The following RMC1 variants were observed in gnomAD, a reference collection of about 807,000 sequenced individuals.
RMC1 encodes the protein regulator of MON1-CCZ1 complex.
A neutral mutation model predicts 95.5 loss-of-function variants in RMC1; 44 were observed. The ratio of observed to expected loss-of-function variants is 0.46; its 90% CI spans 0.36 to 0.59. The LOEUF (loss-of-function observed/expected upper bound fraction) is 0.59. Among genes scored for constraint, RMC1 ranks in the 20% least tolerant of loss-of-function variants. RMC1 has a pLI of 0.00. For synonymous variants in RMC1, 320 were observed against 303.6 expected (o/e 1.05, Z -0.56); for missense variants, 705 against 819.6 (o/e 0.86, Z 1.71).
At chr18:23,503,760 CG>C in intron 1 of RMC1, 40 bp downstream of exon 1, 1 of 1,562,416 alleles carries the variant, frequency 6.4e-7, no homozygotes, top group Non-Finnish European at 8.7e-7. Flanking sequence ...GCGGCCCTGC[CG>C]GGGTCGTGGG....
intron 5 of RMC1, 80 bp from the exon 6 acceptor site, chr18:23,515,776 G>A (rs1043166834): frequency 6.4e-6 from 10 of 1,553,114 alleles, no homozygotes; most frequent in Middle Eastern, 1.7e-4. Context: ...CAGGTGATCC[G>A]CCCACCTTAG....
intron 2 of RMC1, among the ~76,000 whole-genome samples, chr18:23,505,828 T>G (rs1204648314): frequency 6.6e-6 from 1 of 152,014 alleles, no homozygotes; most frequent in Non-Finnish European, 1.5e-5. Flanking sequence ...GATTGGGGGC[T>G]CTAAGAAGTT....
chr18:23,522,280 T>C (rs997681429), intron 10 of RMC1: 4 of 152,222 alleles, frequency 2.6e-5, no homozygotes, highest in Non-Finnish European at 5.9e-5. Context: ...ATTGAAAGAA[T>C]AGATTTTGCC....
intron 13 of RMC1, among the ~76,000 whole-genome samples, chr18:23,527,126 A>G (rs2058321086): frequency 6.7e-6 from 1 of 150,132 alleles, no homozygotes; most frequent in East Asian, 2.0e-4. Flanking sequence ...GCTCATGCTT[A>G]TAATCCCAGC....
At chr18:23,517,106 T>G (rs373882314) in intron 7 of RMC1, among the ~76,000 whole-genome samples, 2 of 152,126 alleles carry the variant, frequency 1.3e-5, no homozygotes, top group African/African-American at 4.8e-5. Flanking sequence ...GTAACAGACA[T>G]GGAACTAAAT....
At chr18:23,507,434 C>T (rs1405470025) in intron 3 of RMC1, among the ~76,000 whole-genome samples, 2 of 152,116 alleles carry the variant, frequency 1.3e-5, no homozygotes, top group African/African-American at 4.8e-5. Context: ...TTTTGTATTG[C>T]TTGATAGCAG....
Position 23,504,491 on chromosome 18 carries a change from AATG to A in RMC1, c.179+48_179+50del, listed in dbSNP as rs771234666. 7.2e-6 allele frequency: 11 copies of A among 1,517,976 alleles called. No homozygotes were observed. The Admixed American group carries it at 1.9e-4, about 26-fold the overall frequency. 94.0% of individuals were successfully genotyped at this position (1,517,976 alleles called of 1,614,324 possible). A position where few individuals can be genotyped will look rare whatever the true frequency, so the allele number is the denominator to read the frequency against. On this transcript the variant is annotated intron_variant, in intron 2 of 19. Coordinates refer to ENST00000269221, the MANE Select transcript of RMC1 (RefSeq NM_013326.5). ...TCAGATCATTTTGTCATGTAAACAG[AATG>A]ATGTTTTTCTAATTCAAATGGTTTT...
intron 18 of RMC1, 24 bp from the exon 19 acceptor site, chr18:23,530,363 T>C: frequency 6.2e-7 from 1 of 1,614,056 alleles, no homozygotes; most frequent in Non-Finnish European, 8.5e-7. Flanking sequence ...TGCACTGACC[T>C]GGACTTCTCT....
At chr18:23,529,091 C>A (rs1438551680) in intron 14 of RMC1, 88 bp from the exon 15 acceptor site, 6 of 1,521,814 alleles carry the variant, frequency 3.9e-6, no homozygotes, top group South Asian at 1.3e-5. Context: ...GGGTCCACAT[C>A]GAAGAATTCA....
intron 19 of RMC1, among the ~76,000 whole-genome samples, chr18:23,530,894 A>C (rs1598922386): frequency 6.6e-6 from 1 of 152,206 alleles, no homozygotes; most frequent in Non-Finnish European, 1.5e-5. Context: ...ATCTTGGAAT[A>C]TCTCTTAAAG....
At chr18:23,525,616 G>C (rs2058275883) in intron 12 of RMC1, among the ~76,000 whole-genome samples, 1 of 152,050 alleles carries the variant, frequency 6.6e-6, no homozygotes, top group African/African-American at 2.4e-5. Flanking sequence ...GTAGATACGG[G>C]GTTTCACCAT....
At chr18:23,508,138 C>A in intron 4 of RMC1, 97 bp downstream of exon 4, 2 of 1,129,260 alleles carry the variant, frequency 1.8e-6, no homozygotes, top group Non-Finnish European at 2.4e-6. Context: ...GGAGCACAGA[C>A]TTGAAGTCAG....
chr18:23,509,304 GT>G, intron 5 of RMC1, 25 bp downstream of exon 5: 2 of 1,224,558 alleles, frequency 1.6e-6, no homozygotes, highest in Non-Finnish European at 1.1e-6. Flanking sequence ...ATTTATGTTT[GT>G]TGGTTAAAGT....
intron 5 of RMC1, among the ~76,000 whole-genome samples, chr18:23,512,112 C>G (rs904134564): frequency 1.7e-4 from 25 of 151,208 alleles, no homozygotes; most frequent in Admixed American, 1.6e-3. Context: ...CCTCCACCTC[C>G]TGGGTTCAAG....
intron 5 of RMC1, among the ~76,000 whole-genome samples, chr18:23,510,538 T>C (rs1331532597): frequency 6.6e-6 from 1 of 151,772 alleles, no homozygotes; most frequent in African/African-American, 2.4e-5. Context: ...TCCCAGCTAC[T>C]AGGGAGGCTG....
intron 1 of RMC1, among the ~76,000 whole-genome samples, chr18:23,504,030 G>C (rs1187058175): frequency 6.6e-6 from 1 of 152,226 alleles, no homozygotes; most frequent in Non-Finnish European, 1.5e-5. Context: ...AGTTACACTC[G>C]TAGTCAAGGG....
In RMC1 at chr18:23,531,754, G is replaced by T; in HGVS notation, c.*50G>T. Reference sequence around the variant, plus strand: ...AAAATGTGTACAAAGTTAATTTATTGCATTAATAAAGCTCTTTAAACTATA... The same window carrying T: ...AAAATGTGTACAAAGTTAATTTATTTCATTAATAAAGCTCTTTAAACTATA... On this transcript the variant is annotated 3_prime_UTR_variant, in exon 20 of 20. Transcript: ENST00000269221. 1 of 1,585,098 alleles carries T rather than the reference G, an allele frequency of 6.3e-7. No individual in the cohort carries two copies. Among genetic ancestry groups the T allele is most frequent in the Non-Finnish European group, 8.5e-7 (1 of 1,170,652 alleles).
At chr18:23,512,903 T>C (rs1379261779) in intron 5 of RMC1, among the ~76,000 whole-genome samples, 2 of 152,140 alleles carry the variant, frequency 1.3e-5, no homozygotes, top group African/African-American at 4.8e-5. Context: ...ACTCCCCTTA[T>C]CCCTTCCCTG....
chr18:23,529,781 TAGA>T lies in RMC1; in HGVS notation c.1494+73_1494+75del, dbSNP rs2058433810. 3.4e-6 allele frequency: 5 copies of T among 1,459,472 alleles called. No homozygotes were observed. In the Middle Eastern group the frequency reaches 5.2e-4, roughly 153 times the overall value. The allele number at this position is 1,459,472 out of a possible 1,614,324, so 90.4% of individuals were successfully genotyped here. ...TAAAAAAAAAACACAGTCACTGTCT[TAGA>T]AGATGACTCATATGCTAAGACAGGT... On this transcript the variant is annotated intron_variant, in intron 16 of 19. Coordinates refer to ENST00000269221, the MANE Select transcript of RMC1 (RefSeq NM_013326.5).
Sources: allele counts gnomAD v4.1 joint callset (sites outside exome capture counted in the v4.1 genomes callset), GRCh38; gene constraint gnomAD v4.1.1; transcripts MANE v1.5; gene names NCBI Gene and HGNC (gene_info 2026-07-23, HGNC 2026-07-21).